The following BMPR1A variants were observed in gnomAD, a reference collection of about 807,000 sequenced individuals.
The protein encoded by BMPR1A is bone morphogenetic protein receptor type 1A.
A neutral mutation model predicts 66.0 loss-of-function variants in BMPR1A; 7 were observed. That is an observed-to-expected ratio of 0.11 (90% CI 0.06 to 0.20). BMPR1A has a LOEUF of 0.20. BMPR1A is among the 10% of genes least tolerant of loss of function. The pLI, the probability that BMPR1A is intolerant of heterozygous loss-of-function variation, is 1.00. For missense variants in BMPR1A, 408 were observed against 669.1 expected (o/e 0.61, Z 4.31); for synonymous variants, 200 against 229.7 (o/e 0.87, Z 1.17).
rs915918702 is a variant in BMPR1A at position 86,794,337 on chromosome 10, C to T, written c.-268+37418C>T. 1.1e-4 allele frequency among the ~76,000 whole-genome samples: 16 copies of T among 152,062 alleles called. No homozygotes were observed. The highest frequency in any genetic ancestry group is 2.0e-4 in the Admixed American group (3 of 15,262). On this transcript the variant is annotated intron_variant, in intron 1 of 12. Coordinates refer to ENST00000372037, the MANE Select transcript of BMPR1A (RefSeq NM_004329.3). ...TGTGTAGCAGCACTGTGACGTTAGGCAAGTTTCTTCTCTGTACTTGTTTCT... is the reference window on the plus strand; with the variant it reads ...TGTGTAGCAGCACTGTGACGTTAGGTAAGTTTCTTCTCTGTACTTGTTTCT...
intron 1 of BMPR1A, among the ~76,000 whole-genome samples, chr10:86,812,989 C>T (rs1841991320): frequency 6.6e-6 from 1 of 152,168 alleles, no homozygotes; most frequent in Non-Finnish European, 1.5e-5. Context: ...CCTCTCAACC[C>T]CTGGCACTGA....
chr10:86,794,279 C>T (rs952130368), intron 1 of BMPR1A, among the ~76,000 whole-genome samples: 1 of 151,892 alleles, frequency 6.6e-6, no homozygotes, highest in Non-Finnish European at 1.5e-5. Flanking sequence ...AGAGGTGAGG[C>T]TTGGATTGGT....
chr10:86,824,265 G>A (rs1210041512), intron 1 of BMPR1A, among the ~76,000 whole-genome samples: 1 of 152,106 alleles, frequency 6.6e-6, no homozygotes, highest in Non-Finnish European at 1.5e-5. Context: ...ATTGTGTTGG[G>A]GTAGTAGTTG....
intron 2 of BMPR1A, among the ~76,000 whole-genome samples, chr10:86,847,934 A>C (rs1386790893): frequency 1.4e-5 from 2 of 146,554 alleles, no homozygotes; most frequent in Non-Finnish European, 3.0e-5. Flanking sequence ...AGAAAATGAT[A>C]CTTTTTTTTT....
chr10:86,916,092 G>A (rs537785232), intron 8 of BMPR1A, among the ~76,000 whole-genome samples: 1 of 152,288 alleles, frequency 6.6e-6, no homozygotes, highest in South Asian at 2.1e-4. Flanking sequence ...AGCACTCTAA[G>A]TAAAGGGAAC....
intron 2 of BMPR1A, among the ~76,000 whole-genome samples, chr10:86,844,143 ATTTG>A (rs748428159): frequency 2.0e-5 from 3 of 152,262 alleles, no homozygotes; most frequent in Middle Eastern, 3.4e-3. Context: ...TGGTCTCTTA[ATTTG>A]TTTATGTGCA....
At chr10:86,830,842 C>T (rs546679861) in intron 1 of BMPR1A, among the ~76,000 whole-genome samples, 32 of 151,942 alleles carry the variant, frequency 2.1e-4, no homozygotes, top group African/African-American at 7.0e-4. Context: ...TTCAGTTTAT[C>T]GTGTTTTTTT....
intron 1 of BMPR1A, among the ~76,000 whole-genome samples, chr10:86,772,552 A>G (rs1205214982): frequency 1.3e-5 from 2 of 152,148 alleles, no homozygotes; most frequent in African/African-American, 2.4e-5. Flanking sequence ...ATTAAAACCT[A>G]CCCTGTGAGA....
intron 1 of BMPR1A, among the ~76,000 whole-genome samples, chr10:86,800,451 A>G (rs182977686): frequency 1.8e-4 from 28 of 152,220 alleles, no homozygotes; most frequent in African/African-American, 5.1e-4. Flanking sequence ...CTGGAGTGCA[A>G]TGTGAAATCG....
At chr10:86,921,242 G>A (rs1248808410) in intron 10 of BMPR1A, among the ~76,000 whole-genome samples, 1 of 152,146 alleles carries the variant, frequency 6.6e-6, no homozygotes, top group Non-Finnish European at 1.5e-5. Flanking sequence ...TGTGAGGTGT[G>A]TATTGCCCTT....
chr10:86,889,287 C>T (rs576869873), intron 3 of BMPR1A, among the ~76,000 whole-genome samples: 3 of 152,286 alleles, frequency 2.0e-5, no homozygotes, highest in East Asian at 1.9e-4. Context: ...CTGCCAGCAT[C>T]GTCTGCATTC....
intron 11 of BMPR1A, among the ~76,000 whole-genome samples, chr10:86,922,352 T>C (rs972585876): frequency 6.6e-6 from 1 of 152,234 alleles, no homozygotes; most frequent in South Asian, 2.1e-4. Flanking sequence ...TGAACAGTGC[T>C]GCAGCAAACA....
chr10:86,899,980 A>T, intron 6 of BMPR1A, 47 bp from the exon 7 acceptor site: 1 of 1,611,666 alleles, frequency 6.2e-7, no homozygotes, highest in Non-Finnish European at 8.5e-7. Context: ...AACACGTCAG[A>T]TTATTTTTTC....
At chr10:86,808,042 G>A (rs966269056) in intron 1 of BMPR1A, among the ~76,000 whole-genome samples, 6 of 152,078 alleles carry the variant, frequency 3.9e-5, no homozygotes, top group Admixed American at 2.6e-4. Context: ...TGGGCCTGTT[G>A]TTTTCTGTTT....
intron 1 of BMPR1A, among the ~76,000 whole-genome samples, chr10:86,781,717 C>T (rs1046343790): frequency 5.9e-5 from 9 of 152,078 alleles, no homozygotes; most frequent in African/African-American, 1.7e-4. Context: ...TACCATTTTA[C>T]TTTCTGTCTC....
chr10:86,923,466 G>T lies in BMPR1A; in HGVS notation c.1433G>T (p.Arg478Leu), dbSNP rs113849804. ...ATGCGTGAGGTTGTGTGTGTCAAAC[G>T]TTTGCGGCCAATTGTGTCTAATCGG... Reference protein sequence around the residue: ...EDMREVVCVKRLRPIVSNRWN... With the variant: ...EDMREVVCVKLLRPIVSNRWN... Residue 478 changes from arginine to leucine, a missense_variant, in exon 12 of 13, where the codon CGT becomes CTT. Physicochemically the swap from Arg to Leu is moderately radical, Grantham distance 102. Transcript: ENST00000372037. The T allele has an allele frequency of 1.2e-5, 19 of 1,614,216 alleles. 1 individual carries two copies. The South Asian group carries it at 2.1e-4, about 18-fold the overall frequency.
downstream of BMPR1A, chr10:86,930,075 G>T (rs2133665899): frequency 6.6e-6 from 1 of 152,390 alleles, no homozygotes; most frequent in African/African-American, 2.4e-5. Context: ...GCTGAAAGTG[G>T]CCAGCAGTGA....
intron 1 of BMPR1A, among the ~76,000 whole-genome samples, chr10:86,785,415 C>T (rs1841501177): frequency 1.3e-5 from 2 of 152,220 alleles, no homozygotes; most frequent in African/African-American, 4.8e-5. Context: ...AAGTGATTCT[C>T]CTGCCTCACC....
intron 1 of BMPR1A, among the ~76,000 whole-genome samples, chr10:86,817,629 A>G (rs1349356032): frequency 6.6e-6 from 1 of 152,216 alleles, no homozygotes; most frequent in Non-Finnish European, 1.5e-5. Flanking sequence ...AGATTCCTAG[A>G]AACACAAAAC....
Sources: allele counts gnomAD v4.1 joint callset (sites outside exome capture counted in the v4.1 genomes callset), GRCh38; gene constraint gnomAD v4.1.1; transcripts MANE v1.5; gene names NCBI Gene and HGNC (gene_info 2026-07-23, HGNC 2026-07-21).